COL9A3: variants seen among roughly 807,000 people sequenced by gnomAD.
COL9A3 encodes collagen type IX alpha 3 chain, also known as collagen alpha-3(IX) chain.
Under a neutral mutation model 110.2 loss-of-function variants are expected in COL9A3, and 82 were observed. The observed-to-expected ratio is 0.74, with a 90% CI of 0.62 to 0.89. The LOEUF (loss-of-function observed/expected upper bound fraction) is 0.89. Ranked by LOEUF, COL9A3 falls within the 40% of genes least tolerant of loss-of-function variation. COL9A3 has a pLI of 0.00. For missense variants in COL9A3, 1,066 were observed against 981.3 expected, an observed-to-expected ratio of 1.09 and a Z score of -1.15; for synonymous variants, 494 against 403.8, an observed-to-expected ratio of 1.22 and a Z score of -2.68.
intron 3 of COL9A3, among the ~76,000 whole-genome samples, chr20:62,818,925 T>C (rs1319787987): frequency 6.6e-6 from 1 of 151,838 alleles, no homozygotes; most frequent in Non-Finnish European, 1.5e-5. Flanking sequence ...CCACTGGGGG[T>C]CCGACAGAGA....
chr20:62,840,122 A>C (rs1600814871), intron 31 of COL9A3, among the ~76,000 whole-genome samples: 1 of 150,400 alleles, frequency 6.6e-6, no homozygotes. Flanking sequence ...GGGCTCTGAC[A>C]CCCCCCACTT....
chr20:62,827,155 C>T (rs187924500), intron 15 of COL9A3, 86 bp from the exon 16 acceptor site: 177 of 1,342,918 alleles, frequency 1.3e-4, no homozygotes, highest in South Asian at 2.6e-4. Context: ...GGCTGTCCCC[C>T]GCCCGGGCCT....
In COL9A3 at chr20:62,840,570, G is replaced by A; in HGVS notation, c.1893G>A (p.Lys631=). The change falls in exon 32 of 32, where the codon AAG becomes AAA. Residue 631 remains lysine (K), a synonymous_variant. Coordinates refer to ENST00000649368, the MANE Select transcript of COL9A3 (RefSeq NM_001853.4). ...QGPQGVPGTS[K]DGQDGAPGEP... is the part of the protein sequence containing the mutation. ...CCCAAGGCGTGCCCGGCACCAGCAA[G>A]GACGGCCAGGACGGTGCTCCCGGCG... 2 of 1,612,570 alleles carry A rather than the reference G, an allele frequency of 1.2e-6. No homozygotes were observed. Among genetic ancestry groups the A allele is most frequent in the Non-Finnish European group, 1.7e-6 (2 of 1,179,870 alleles).
chr20:62,836,415 CGGT>C (rs1568764489), intron 28 of COL9A3, 60 bp from the exon 29 acceptor site: 1 of 1,613,592 alleles, frequency 6.2e-7, no homozygotes, highest in African/African-American at 1.3e-5. Context: ...TGCGGGGTGA[CGGT>C]GGGAATGCCT....
Position 62,825,039 on chromosome 20 carries a change from C to G in COL9A3, c.630+18C>G. ...GCGAGAAGGTGAAGCTGCCGCACAG[C>G]AGCTGGGGAGGAGCTGGGGACTGGA... On this transcript the variant is annotated intron_variant, in intron 12 of 31. Transcript: ENST00000649368. 1 of 1,603,172 alleles carries G rather than the reference C, an allele frequency of 6.2e-7. No individual in the cohort carries two copies.
At chr20:62,823,598 G>GT (rs2063527487) in intron 10 of COL9A3, among the ~76,000 whole-genome samples, 1 of 152,220 alleles carries the variant, frequency 6.6e-6, no homozygotes, top group South Asian at 2.1e-4. Context: ...GTGGTGCGTG[G>GT]TTGGGCCCCC....
intron 29 of COL9A3, 99 bp from the exon 30 acceptor site, chr20:62,836,984 T>C (rs1600811286): frequency 1.4e-6 from 2 of 1,472,102 alleles, no homozygotes; most frequent in South Asian, 1.1e-5. Flanking sequence ...GAAAACTTGC[T>C]TCTGGAAGAC....
At chr20:62,822,192 G>A in intron 9 of COL9A3, 28 bp downstream of exon 9, 2 of 1,404,436 alleles carry the variant, frequency 1.4e-6, no homozygotes, top group Non-Finnish European at 1.0e-6. Flanking sequence ...GCTCTAAGAA[G>A]TGCTGGGCAT....
chr20:62,832,087 C>A, intron 24 of COL9A3, 67 bp from the exon 25 acceptor site: 1 of 1,495,146 alleles, frequency 6.7e-7, no homozygotes, highest in Non-Finnish European at 9.3e-7. Context: ...CATTCCTGGG[C>A]CCAGGGCAGG....
At chr20:62,824,295 C>T (rs1222526382) in intron 10 of COL9A3, 150 bp from the exon 11 acceptor site, 2 of 785,288 alleles carry the variant, frequency 2.5e-6, no homozygotes, top group Admixed American at 4.1e-5. Flanking sequence ...GCGGAGTGGC[C>T]TCCTGGGGTC....
chr20:62,823,604 C>T (rs115132892), intron 10 of COL9A3, among the ~76,000 whole-genome samples: 58 of 152,318 alleles, frequency 3.8e-4, no homozygotes, highest in African/African-American at 1.3e-3. Flanking sequence ...CGTGGTTGGG[C>T]CCCCGATCGT....
chr20:62,840,759 A>G lies in COL9A3; in HGVS notation c.*27A>G, dbSNP rs2063671714. 6.4e-7 allele frequency: 1 copy of G among 1,552,660 alleles called. No homozygotes were observed. The highest frequency in any genetic ancestry group is 2.0e-5 in the Admixed American group (1 of 51,064). ...ATTCAACGTGAGGAAGCAAGTGACAAGGACGCCCGAAGCACAGTGGACGGT... is the reference window on the plus strand; with the variant it reads ...ATTCAACGTGAGGAAGCAAGTGACAGGGACGCCCGAAGCACAGTGGACGGT... On this transcript the variant is annotated 3_prime_UTR_variant, in exon 32 of 32. Coordinates refer to ENST00000649368, the MANE Select transcript of COL9A3 (RefSeq NM_001853.4).
intron 30 of COL9A3, among the ~76,000 whole-genome samples, chr20:62,837,539 T>A (rs1355023124): frequency 6.6e-6 from 1 of 152,242 alleles, no homozygotes; most frequent in Non-Finnish European, 1.5e-5. Context: ...CTGGGCGCGG[T>A]GGCTCACGCC....
Position 62,825,030 on chromosome 20 carries a change from G to GC in COL9A3, c.630+11dup, listed in dbSNP as rs765699623. On this transcript the variant is annotated intron_variant, in intron 12 of 31. Coordinates refer to ENST00000649368, the MANE Select transcript of COL9A3 (RefSeq NM_001853.4). ...GCAAGGACGGCGAGAAGGTGAAGCTGCCGCACAGCAGCTGGGGAGGAGCTG... is the reference window on the plus strand; with the variant it reads ...GCAAGGACGGCGAGAAGGTGAAGCTGCCCGCACAGCAGCTGGGGAGGAGCTG... 3 of 1,606,828 alleles carry GC rather than the reference G, an allele frequency of 1.9e-6. No individual in the cohort carries two copies. The highest frequency in any genetic ancestry group is 2.5e-6 in the Non-Finnish European group (3 of 1,178,246).
In COL9A3 at chr20:62,817,604, C is replaced by G. The variant is rs1028982816; in HGVS notation, c.116C>G (p.Pro39Arg). ...GLPGPPGPPGPPGKPGQDGID... is the reference protein window; with the variant it reads ...GLPGPPGPPGRPGKPGQDGID... ...CCCGGCCCCCCCGGCCCCCCAGGGC[C>G]GCCCGGGAAGCCCGGCCAGGACGGC... Residue 39 changes from proline to arginine, a missense_variant, in exon 2 of 32, where the codon CCG (proline) becomes CGG (arginine). Coordinates refer to ENST00000649368, the MANE Select transcript of COL9A3 (RefSeq NM_001853.4). 1.9e-6 allele frequency: 3 copies of G among 1,547,500 alleles called. No individual in the cohort carries two copies. Among genetic ancestry groups the G allele is most frequent in the Admixed American group, 2.0e-5 (1 of 50,676 alleles).
Position 62,838,689 on chromosome 20 carries a change from C to T in COL9A3, c.1792C>T (p.Gln598Ter). The change falls in exon 31 of 32, where the codon CAG becomes TAG. Residue 598 changes from glutamine to a stop codon, truncating the protein, a stop_gained. Coordinates refer to ENST00000649368, the MANE Select transcript of COL9A3 (RefSeq NM_001853.4). LOFTEE classifies it high-confidence loss of function. The part of the protein sequence containing the change: ...ELGDPGPRGN[Q>*]GDRGDKGAAG... ...GTGTCCACACCTCGTGACAGGAAAC[C>T]AGGGTGACAGAGGAGACAAAGGCGC... The T allele has an allele frequency of 6.4e-7, 1 of 1,552,484 alleles. No homozygotes were observed. Among genetic ancestry groups the T allele is most frequent in the Non-Finnish European group, 8.7e-7 (1 of 1,147,410 alleles).
intron 16 of COL9A3, 131 bp from the exon 17 acceptor site, chr20:62,827,792 G>A: frequency 1.1e-6 from 1 of 894,810 alleles, no homozygotes; most frequent in Non-Finnish European, 1.9e-6. Context: ...CAGGCCCCAG[G>A]GTGGTGGTCG....
chr20:62,833,163 C>T (rs1157665075), intron 26 of COL9A3, 99 bp downstream of exon 26: 2 of 1,002,498 alleles, frequency 2.0e-6, no homozygotes, highest in Non-Finnish European at 3.2e-6. Flanking sequence ...ATCTGCAGCT[C>T]CCGGTGGAAG....
At chr20:62,836,940 C>A in intron 29 of COL9A3, 143 bp from the exon 30 acceptor site, 1 of 1,121,628 alleles carries the variant, frequency 8.9e-7, no homozygotes. Context: ...TTCATCACCC[C>A]AAAGCAGTTA....
Sources: gnomAD v4.1 joint callset for allele counts (sites outside exome capture counted in the v4.1 genomes callset) on GRCh38, gnomAD v4.1.1 for gene constraint, MANE v1.5 for transcripts, NCBI Gene and HGNC (gene_info 2026-07-23, HGNC 2026-07-21) for gene names.